RTN4RL2: variants seen among roughly 807,000 people sequenced by gnomAD.
The protein encoded by RTN4RL2 is reticulon 4 receptor like 2.
A neutral mutation model predicts 27.8 loss-of-function variants in RTN4RL2; 9 were observed. The ratio of observed to expected loss-of-function variants is 0.32; its 90% confidence interval spans 0.20 to 0.57. The LOEUF is 0.57. Ranked by LOEUF, RTN4RL2 falls within the 20% of genes least tolerant of loss-of-function variation. RTN4RL2 has a pLI of 0.90. For synonymous variants in RTN4RL2, 285 were observed against 297.9 expected, an observed-to-expected ratio of 0.96 and a Z score of 0.45; for missense variants, 436 against 596.8, an observed-to-expected ratio of 0.73 and a Z score of 2.81.
At chr11:57,472,190 C>A (rs1321434731) in intron 2 of RTN4RL2, among the ~76,000 whole-genome samples, 2 of 145,930 alleles carry the variant, frequency 1.4e-5, no homozygotes, top group African/African-American at 4.9e-5. Flanking sequence ...ATTACAGTGG[C>A]CTGCATGGTT....
In RTN4RL2 at chr11:57,467,166, A is replaced by AG. The variant is rs1943532032; in HGVS notation, c.32-442dup. On this transcript the variant is annotated intron_variant, in intron 1 of 2. Transcript: ENST00000335099. The surrounding 1 kb of genome is among the most constrained non-coding windows in gnomAD (Gnocchi z 5.5). The stretch of plus-strand genomic sequence containing the variant: ...CTTGAGGCTATAACGTTGTCCCCTG[A>AG]GCCCCCAGACATGGGAGCACCAGGG... 6.6e-6 allele frequency among the ~76,000 whole-genome samples: 1 copy of AG among 152,146 alleles called. No homozygotes were observed. Among genetic ancestry groups the AG allele is most frequent in the Non-Finnish European group, 1.5e-5 (1 of 68,028 alleles).
Position 57,460,909 on chromosome 11 carries a change from G to A in RTN4RL2, c.31+13G>A. 7.2e-7 allele frequency: 1 copy of A among 1,387,886 alleles called. No individual in the cohort carries two copies. Among genetic ancestry groups the A allele is most frequent in the Non-Finnish European group, 9.5e-7 (1 of 1,054,364 alleles). The allele number at this position is 1,387,886 out of a possible 1,614,324, so 86.0% of individuals were successfully genotyped here. A position where few individuals can be genotyped will look rare whatever the true frequency, so the allele number is the denominator to read the frequency against. ...CGCCTGCTGCAAGGTAAGAACGCCA[G>A]CGGCGGGAGAGCGGAGGGCATCCTG... On this transcript the variant is annotated intron_variant, in intron 1 of 2. Coordinates refer to ENST00000335099, the MANE Select transcript of RTN4RL2 (RefSeq NM_178570.3).
At chr11:57,470,175 T>A (rs1242804884) in intron 2 of RTN4RL2, among the ~76,000 whole-genome samples, 2 of 152,210 alleles carry the variant, frequency 1.3e-5, no homozygotes, top group Non-Finnish European at 2.9e-5. Context: ...TATATATGAC[T>A]TTGGACAAAT....
At chr11:57,468,418 C>G (rs1319822073) in intron 2 of RTN4RL2, 5 of 740,378 alleles carry the variant, frequency 6.8e-6, no homozygotes, top group Non-Finnish European at 1.1e-5. Context: ...ACTAACTTGC[C>G]TCCCCCATCT....
At position 57,467,194 on chromosome 11, in the gene RTN4RL2, C is replaced by T. The variant is rs541322001; in HGVS notation, c.32-415C>T. On this transcript the variant is annotated intron_variant, in intron 1 of 2. Coordinates refer to ENST00000335099, the MANE Select transcript of RTN4RL2 (RefSeq NM_178570.3). This position sits in a 1 kb window ranked among gnomAD's most constrained non-coding sequence, Gnocchi z 5.5. ...CCCCAGACATGGGAGCACCAGGGCT[C>T]TAGGCCTTTATTTTTATTTTCTATT... 4.6e-5 allele frequency among the ~76,000 whole-genome samples: 7 copies of T among 152,230 alleles called. No homozygotes were observed. The highest frequency in any genetic ancestry group is 1.7e-4 in the African/African-American group (7 of 41,544).
rs140089941 is a variant in RTN4RL2, at chr11:57,467,614, G to A, written c.37G>A (p.Ala13Thr). 23 of 1,603,960 alleles carry A rather than the reference G, an allele frequency of 1.4e-5. No individual in the cohort carries two copies. Among genetic ancestry groups the A allele is most frequent in the African/African-American group, 1.1e-4 (8 of 74,602 alleles). The change falls in exon 2 of 3, where the codon GCC becomes ACC. Residue 13 changes from alanine (A) to threonine (T), a missense_variant. By Grantham distance (58) the Ala-to-Thr change is moderately conservative. Coordinates refer to ENST00000335099, the MANE Select transcript of RTN4RL2 (RefSeq NM_178570.3). This position sits in a 1 kb window ranked among gnomAD's most constrained non-coding sequence, Gnocchi z 5.5. ...TCTGCTTCCCCTCCCCACAGCTCCCGCCTCGGCCTGCCTCCTGCTGATGCT... is the reference window on the plus strand; with the variant it reads ...TCTGCTTCCCCTCCCCACAGCTCCCACCTCGGCCTGCCTCCTGCTGATGCT... ...PGLRRLLQAP[A>T]SACLLLMLLA...
chr11:57,474,422 C>A (rs1307385076), intron 2 of RTN4RL2, among the ~76,000 whole-genome samples: 1 of 152,190 alleles, frequency 6.6e-6, no homozygotes, highest in Non-Finnish European at 1.5e-5. Context: ...AGGCCTCCGA[C>A]CAGGCTCCTG....
intron 2 of RTN4RL2, among the ~76,000 whole-genome samples, chr11:57,473,736 G>A (rs538144235): frequency 1.3e-4 from 20 of 152,176 alleles, no homozygotes; most frequent in African/African-American, 4.6e-4. Context: ...AGCTTGGATG[G>A]GGGGAGGAGG....
chr11:57,465,990 ATTTTT>A (rs35174184), intron 1 of RTN4RL2, among the ~76,000 whole-genome samples: 2 of 77,898 alleles, frequency 2.6e-5, no homozygotes, highest in Middle Eastern at 6.7e-3. Context: ...CATGCCTACA[ATTTTT>A]TTTTTTTTTT....
At chr11:57,464,599 T>C (rs985857793) in intron 1 of RTN4RL2, among the ~76,000 whole-genome samples, 11 of 152,216 alleles carry the variant, frequency 7.2e-5, no homozygotes, top group Non-Finnish European at 1.6e-4. Flanking sequence ...GCCCTTTCCC[T>C]GCCAACACTT....
At chr11:57,473,214 G>A (rs1339953002) in intron 2 of RTN4RL2, among the ~76,000 whole-genome samples, 2 of 152,140 alleles carry the variant, frequency 1.3e-5, no homozygotes, top group Non-Finnish European at 2.9e-5. Flanking sequence ...GAATGAATGA[G>A]GCACATCCCA....
intron 2 of RTN4RL2, chr11:57,468,636 A>C: frequency 1.3e-6 from 2 of 1,536,344 alleles, no homozygotes; most frequent in Non-Finnish European, 1.7e-6. Flanking sequence ...GGTGAAGTAG[A>C]GAGAGAAGGC....
intron 1 of RTN4RL2, among the ~76,000 whole-genome samples, chr11:57,464,950 C>T (rs1323046316): frequency 1.3e-5 from 2 of 152,146 alleles, no homozygotes; most frequent in African/African-American, 2.4e-5. Flanking sequence ...GAACAGCAGC[C>T]GCTGTGTCAC....
chr11:57,464,828 C>T (rs1431297765), intron 1 of RTN4RL2, among the ~76,000 whole-genome samples: 11 of 152,186 alleles, frequency 7.2e-5, no homozygotes, highest in African/African-American at 2.7e-4. Context: ...AGAGACATTG[C>T]TCCTCCACCC....
intron 1 of RTN4RL2, among the ~76,000 whole-genome samples, chr11:57,466,213 G>T (rs1282537130): frequency 6.6e-6 from 1 of 151,820 alleles, no homozygotes; most frequent in Non-Finnish European, 1.5e-5. Context: ...CACCGTGTTA[G>T]CCAGGATGGT....
rs1021430485 is a variant in RTN4RL2 at position 57,460,641 on chromosome 11, TCCCCGCCCCGTCGCG to T, written c.-212_-198del. 14 of 216,804 alleles carry T rather than the reference TCCCCGCCCCGTCGCG, an allele frequency of 6.5e-5. No homozygotes were observed. Among genetic ancestry groups the T allele is most frequent in the South Asian group, 1.9e-4 (1 of 5,378 alleles). The allele number at this position is 216,804 out of a possible 1,614,324, so 13.4% of individuals were successfully genotyped here. On this transcript the variant is annotated 5_prime_UTR_variant, in exon 1 of 3. Coordinates refer to ENST00000335099, the MANE Select transcript of RTN4RL2 (RefSeq NM_178570.3). ...GGGCGTCGACGGCCAGCCCCAGCCT[TCCCCGCCCCGTCGCG>T]CCCCGCCCCGTCCCGTCGGGGCCGA...
At chr11:57,466,554 C>G (rs1400710255) in intron 1 of RTN4RL2, among the ~76,000 whole-genome samples, 2 of 152,200 alleles carry the variant, frequency 1.3e-5, no homozygotes, top group Admixed American at 6.5e-5. Context: ...GGCTGTCCCC[C>G]CAGGAATTCT....
At position 57,467,630 on chromosome 11, in the gene RTN4RL2, T is replaced by C. The variant is rs1943535759; in HGVS notation, c.53T>C (p.Leu18Pro). Residue 18 changes from leucine (L) to proline (P), a missense_variant, in exon 2 of 3, where the codon CTG (leucine) becomes CCG (proline). Transcript: ENST00000335099. This position sits in a 1 kb window ranked among gnomAD's most constrained non-coding sequence, Gnocchi z 5.5. ...ACAGCTCCCGCCTCGGCCTGCCTCC[T>C]GCTGATGCTCCTGGCCCTGCCCCTG... is the stretch of plus-strand genomic sequence containing the variant. ...LLQAPASACLLLMLLALPLAA... is the reference protein window; with the variant it reads ...LLQAPASACLPLMLLALPLAA... 6.2e-7 allele frequency: 1 copy of C among 1,609,276 alleles called. No homozygotes were observed. Among genetic ancestry groups the C allele is most frequent in the Non-Finnish European group, 8.5e-7 (1 of 1,177,706 alleles).
Position 57,477,270 on chromosome 11 carries a change from A to G in RTN4RL2, c.*359A>G, listed in dbSNP as rs1943604463. ...TTTTGTCTGCAGAGCGTCTTCCACC[A>G]GCAGAGCCTTTGGAAGCTCCCCCAG... On this transcript the variant is annotated 3_prime_UTR_variant, in exon 3 of 3. Coordinates refer to ENST00000335099, the MANE Select transcript of RTN4RL2 (RefSeq NM_178570.3). The G allele has an allele frequency of 4.7e-6, 1 of 211,636 alleles. No homozygotes were observed. The highest frequency in any genetic ancestry group is 1.0e-4 in the East Asian group (1 of 9,870). 13.1% of individuals were successfully genotyped at this position (211,636 alleles called of 1,614,324 possible).
Sources: allele counts gnomAD v4.1 joint callset (sites outside exome capture counted in the v4.1 genomes callset), GRCh38; gene constraint gnomAD v4.1.1; non-coding constraint Gnocchi (gnomAD v3.1); transcripts MANE v1.5; gene names NCBI Gene and HGNC (gene_info 2026-07-23, HGNC 2026-07-21).